TRABD2B: variants seen among roughly 807,000 people sequenced by gnomAD.
TRABD2B encodes metalloprotease TIKI2.
TRABD2B carries 14 observed loss-of-function variants against 40.1 expected under a neutral mutation model. That is an observed-to-expected ratio of 0.35 (90% CI 0.23 to 0.55). The LOEUF (loss-of-function observed/expected upper bound fraction) is 0.55, where lower values mean the gene tolerates loss of function less well. Among genes scored for constraint, TRABD2B ranks in the 20% least tolerant of loss-of-function variants. The pLI, the probability that TRABD2B is intolerant of heterozygous loss-of-function variation, is 0.90. For synonymous variants in TRABD2B, 263 were observed against 277.0 expected (o/e 0.95, Z 0.50); for missense variants, 541 against 648.6 (o/e 0.83, Z 1.80).
chr1:47,798,948 G>T (rs1029024477), intron 3 of TRABD2B, among the ~76,000 whole-genome samples: 1 of 152,176 alleles, frequency 6.6e-6, no homozygotes, highest in East Asian at 1.9e-4. Flanking sequence ...CTCCTCAAGC[G>T]ACTAGATTCT....
At chr1:47,974,398 T>C (rs1204390646) in intron 2 of TRABD2B, among the ~76,000 whole-genome samples, 1 of 152,120 alleles carries the variant, frequency 6.6e-6, no homozygotes, top group Non-Finnish European at 1.5e-5. Flanking sequence ...TGGATTCAGC[T>C]CTTAAGGCAC....
At chr1:47,766,279 TGAGCTCCAGAGTCCACACG>T (rs1644302266) in intron 6 of TRABD2B, among the ~76,000 whole-genome samples, 173 bp from the exon 7 acceptor site, 1 of 152,190 alleles carries the variant, frequency 6.6e-6, no homozygotes, top group South Asian at 2.1e-4. Flanking sequence ...CCAGCCTGGC[TGAGCTCCAGAGTCCACACG>T]GACCCCCTTT....
chr1:47,978,690 T>C (rs1278441721), intron 2 of TRABD2B, among the ~76,000 whole-genome samples: 1 of 152,178 alleles, frequency 6.6e-6, no homozygotes. Flanking sequence ...TGGCTTTGGA[T>C]ATTTACTTTT....
At chr1:47,923,524 A>G (rs1434635868) in intron 2 of TRABD2B, among the ~76,000 whole-genome samples, 2 of 152,230 alleles carry the variant, frequency 1.3e-5, no homozygotes, top group African/African-American at 4.8e-5. Flanking sequence ...ATTTTTCATC[A>G]TAACTGGCTC....
At position 47,782,440 on chromosome 1, in the gene TRABD2B, G is replaced by C. The variant is rs1391530371; in HGVS notation, c.989-3896C>G. Reference sequence around the variant, plus strand: ...GAACGTGCTCCCAACCCACCTGAGGGGGATCTAAGAGCTTTTTGAGGGCAG... The same window carrying C: ...GAACGTGCTCCCAACCCACCTGAGGCGGATCTAAGAGCTTTTTGAGGGCAG... On this transcript the variant is annotated intron_variant, in intron 4 of 6. Transcript: ENST00000606738. Among the ~76,000 whole-genome samples the C allele has an allele frequency of 3.3e-5, 5 of 152,290 alleles. No homozygotes were observed. In the East Asian group the frequency reaches 7.7e-4, roughly 24 times the overall value.
At chr1:47,768,033 T>C (rs1644328531) in intron 6 of TRABD2B, among the ~76,000 whole-genome samples, 1 of 152,198 alleles carries the variant, frequency 6.6e-6, no homozygotes, top group Admixed American at 6.5e-5. Context: ...GCTCTTGGCT[T>C]GGGAGCAGGT....
At chr1:47,938,306 G>A (rs1307533447) in intron 2 of TRABD2B, among the ~76,000 whole-genome samples, 1 of 152,212 alleles carries the variant, frequency 6.6e-6, no homozygotes, top group African/African-American at 2.4e-5. Flanking sequence ...AGTAAACTCA[G>A]GATTAAAGAG....
chr1:47,849,841 A>T (rs938776723), intron 2 of TRABD2B, among the ~76,000 whole-genome samples: 7 of 152,220 alleles, frequency 4.6e-5, no homozygotes, highest in African/African-American at 1.7e-4. Flanking sequence ...GCCTTACACA[A>T]CTGCCTTCCT....
At chr1:47,767,622 G>T (rs1644322315) in intron 6 of TRABD2B, among the ~76,000 whole-genome samples, 1 of 152,270 alleles carries the variant, frequency 6.6e-6, no homozygotes, top group South Asian at 2.1e-4. Flanking sequence ...GCCAGGATCT[G>T]AACTGGGCAC....
chr1:47,985,644 T>C (rs1645909056), intron 2 of TRABD2B, among the ~76,000 whole-genome samples: 1 of 152,238 alleles, frequency 6.6e-6, no homozygotes, highest in Admixed American at 6.5e-5. Flanking sequence ...ATGGCTCTTT[T>C]CCAGTAAAGC....
chr1:47,892,839 G>A (rs940860473), intron 2 of TRABD2B, among the ~76,000 whole-genome samples: 1 of 152,192 alleles, frequency 6.6e-6, no homozygotes, highest in African/African-American at 2.4e-5. Flanking sequence ...TGTGGCTCTG[G>A]GAAGGCCAGC....
chr1:47,867,361 G>A (rs1044026943), intron 2 of TRABD2B, among the ~76,000 whole-genome samples: 3 of 152,208 alleles, frequency 2.0e-5, no homozygotes, highest in Admixed American at 6.5e-5. Context: ...TGGGCTGCAC[G>A]TGCTGCTTCC....
rs145553223 is a variant in TRABD2B at position 47,840,112 on chromosome 1, C to T, written c.667-38493G>A. Among the ~76,000 whole-genome samples the T allele has an allele frequency of 5.4e-3, 824 of 152,222 alleles. 11 individuals carry two copies. The highest frequency in any genetic ancestry group is 0.019 in the African/African-American group (785 of 41,526). Reference sequence around the variant, plus strand: ...TTTGCTGAGTGAACAATCGGAGGATCTTGGTCTCTGGACCAGGACCATGAG... The same window carrying T: ...TTTGCTGAGTGAACAATCGGAGGATTTTGGTCTCTGGACCAGGACCATGAG... On this transcript the variant is annotated intron_variant, in intron 2 of 6. Transcript: ENST00000606738.
At chr1:47,858,203 A>G (rs1263683495) in intron 2 of TRABD2B, among the ~76,000 whole-genome samples, 2 of 137,192 alleles carry the variant, frequency 1.5e-5, no homozygotes, top group Non-Finnish European at 3.2e-5. Context: ...TCTTTATTTT[A>G]CTTTATTTTA....
chr1:47,765,705 C>T lies in TRABD2B; in HGVS notation c.*197G>A. 1 of 617,396 alleles carries T rather than the reference C, an allele frequency of 1.6e-6. No individual in the cohort carries two copies. The highest frequency in any genetic ancestry group is 1.8e-5 in the African/African-American group (1 of 54,506). 38.2% of individuals were successfully genotyped at this position (617,396 alleles called of 1,614,324 possible). ...CGTATTTTACAAAAGAGCCCCATAG[C>T]ACTATGGGAAATTAAGATCCTTCTA... is the stretch of plus-strand genomic sequence containing the variant. On this transcript the variant is annotated 3_prime_UTR_variant, in exon 7 of 7. Coordinates refer to ENST00000606738, the MANE Select transcript of TRABD2B (RefSeq NM_001194986.2).
chr1:47,794,769 G>T lies in TRABD2B; in HGVS notation c.814-9C>A. ...TTGATAAAGTTGGGCAGCTGCAAAG[G>T]CAAGACAGAGGCTGCCTTCAGTTTT... On this transcript the variant is annotated splice_polypyrimidine_tract_variant and intron_variant, in intron 3 of 6. Transcript: ENST00000606738. 6.8e-7 allele frequency: 1 copy of T among 1,472,338 alleles called. No individual in the cohort carries two copies. The highest frequency in any genetic ancestry group is 9.0e-7 in the Non-Finnish European group (1 of 1,110,272). The allele number at this position is 1,472,338 out of a possible 1,614,324, so 91.2% of individuals were successfully genotyped here.
intron 2 of TRABD2B, among the ~76,000 whole-genome samples, chr1:47,817,397 C>T (rs1270194071): frequency 2.0e-5 from 3 of 152,044 alleles, no homozygotes; most frequent in African/African-American, 4.8e-5. Context: ...GGCCCTGAAA[C>T]GGTGCGTCCA....
At chr1:47,779,746 G>A (rs1430292564) in intron 4 of TRABD2B, among the ~76,000 whole-genome samples, 2 of 152,152 alleles carry the variant, frequency 1.3e-5, no homozygotes, top group African/African-American at 4.8e-5. Flanking sequence ...GCACTCATTA[G>A]GGAAGCACTC....
intron 5 of TRABD2B, among the ~76,000 whole-genome samples, chr1:47,776,906 ACAGT>A (rs1239881357): frequency 6.6e-6 from 1 of 152,158 alleles, no homozygotes. Flanking sequence ...ATAATTCAAA[ACAGT>A]CAGACAAAAA....
Sources: allele counts gnomAD v4.1 joint callset (sites outside exome capture counted in the v4.1 genomes callset), GRCh38; gene constraint gnomAD v4.1.1; transcripts MANE v1.5; gene names NCBI Gene and HGNC (gene_info 2026-07-23, HGNC 2026-07-21).